Variants in LARP1 observed in about 807,000 individuals in gnomAD.
The protein encoded by LARP1 is la-related protein 1.
A neutral mutation model predicts 122.7 loss-of-function variants in LARP1; 36 were observed. The ratio of observed to expected loss-of-function variants is 0.29; its 90% CI spans 0.22 to 0.39. The LOEUF is 0.39. LARP1 is among the 10% of genes least tolerant of loss of function. The pLI is 1.00. For missense variants in LARP1, 1,040 were observed against 1,403.6 expected (o/e 0.74, Z 4.14); for synonymous variants, 539 against 528.7 (o/e 1.02, Z -0.27).
intron 1 of LARP1, among the ~76,000 whole-genome samples, chr5:154,691,118 C>T (rs1754179085): frequency 6.6e-6 from 1 of 151,900 alleles, no homozygotes; most frequent in African/African-American, 2.4e-5. Flanking sequence ...AAAAATTAGC[C>T]GGGCGTGGTG....
intron 1 of LARP1, among the ~76,000 whole-genome samples, chr5:154,774,333 A>C (rs975550605): frequency 2.0e-5 from 3 of 151,994 alleles, no homozygotes; most frequent in Non-Finnish European, 2.9e-5. Flanking sequence ...GCTTGTTTGC[A>C]CTGCAGGGAG....
intron 1 of LARP1, among the ~76,000 whole-genome samples, chr5:154,763,441 AT>A (rs1290067430): frequency 1.3e-5 from 2 of 151,384 alleles, no homozygotes; most frequent in African/African-American, 4.9e-5. Context: ...TGTCCTTCTA[AT>A]TGCTCAGACT....
exon 1 of LARP1, chr5:154,712,850 C>T: frequency 7.4e-7 from 1 of 1,346,130 alleles, no homozygotes; most frequent in Non-Finnish European, 1.1e-6. Context: ...CGGGCCAGAG[C>T]CAGGAGGCAG....
rs533425442 is a variant in LARP1 at position 154,816,727 on chromosome 5, C to T, written c.*2631C>T. 6 of 152,630 alleles carry T rather than the reference C, an allele frequency of 3.9e-5. No homozygotes were observed. In the South Asian group the frequency reaches 1.2e-3, roughly 32 times the overall value. The allele number at this position is 152,630 out of a possible 1,614,324, so 9.5% of individuals were successfully genotyped here. On this transcript the variant is annotated 3_prime_UTR_variant, in exon 19 of 19. Transcript: ENST00000518297. ...ACCATCGTCCCATGGGGATCCAAGA[C>T]CTGAGATAAAGCAACAGCCTGCCCA...
chr5:154,779,510 T>TC (rs1400696747), intron 1 of LARP1, among the ~76,000 whole-genome samples: 1 of 150,010 alleles, frequency 6.7e-6, no homozygotes, highest in East Asian at 1.9e-4. Context: ...TCTCTCTTTT[T>TC]TTTTTTTTTT....
At chr5:154,808,631 G>C in intron 16 of LARP1, 28 bp downstream of exon 16, 1 of 1,603,186 alleles carries the variant, frequency 6.2e-7, no homozygotes, top group African/African-American at 1.3e-5. Flanking sequence ...GGGGACTTTG[G>C]CTGGTGCTTA....
chr5:154,789,526 C>G (rs2113762807), intron 1 of LARP1, among the ~76,000 whole-genome samples: 1 of 152,252 alleles, frequency 6.6e-6, no homozygotes, highest in Non-Finnish European at 1.5e-5. Flanking sequence ...TGGCCACAAA[C>G]AAAGTTTTCA....
chr5:154,752,932 CA>C (rs928745576), upstream of LARP1, among the ~76,000 whole-genome samples: 45 of 143,476 alleles, frequency 3.1e-4, no homozygotes, highest in African/African-American at 3.3e-4. Flanking sequence ...GAGTAAGAGT[CA>C]AAAAAAAAAA....
At chr5:154,796,590 C>CT (rs1215939545) in intron 8 of LARP1, among the ~76,000 whole-genome samples, 1 of 152,046 alleles carries the variant, frequency 6.6e-6, no homozygotes, top group African/African-American at 2.4e-5. Context: ...GTCAAGAATA[C>CT]TTTATCATAA....
Position 154,790,703 on chromosome 5 carries a change from G to A in LARP1, c.557G>A (p.Ser186Asn). ...ACACCTGGAGAGATAGCCCACAAGA[G>A]TGTTCAGGTGAGTCTGTGTGGAAGA... ...WPTPGEIAHKSVQPQSHKPQP... is the reference protein window; with the variant it reads ...WPTPGEIAHKNVQPQSHKPQP... The change falls in exon 3 of 19, where the codon AGT becomes AAT. Residue 186 changes from serine (S) to asparagine (N), a missense_variant. This residue lies in a region of LARP1 where 257 missense variants were observed against 273.3 expected (regional missense o/e 0.94). Coordinates refer to ENST00000518297, the MANE Select transcript of LARP1 (RefSeq NM_033551.3). 1 of 1,614,176 alleles carries A rather than the reference G, an allele frequency of 6.2e-7. No homozygotes were observed. The highest frequency in any genetic ancestry group is 8.5e-7 in the Non-Finnish European group (1 of 1,179,996).
chr5:154,730,076 A>T (rs1253678804), intron 1 of LARP1, among the ~76,000 whole-genome samples: 2 of 152,248 alleles, frequency 1.3e-5, no homozygotes, highest in Non-Finnish European at 2.9e-5. Flanking sequence ...ATTTTGGGGT[A>T]GTTTGCTTAC....
chr5:154,702,329 G>T (rs1754756143), intron 1 of LARP1, among the ~76,000 whole-genome samples: 1 of 152,110 alleles, frequency 6.6e-6, no homozygotes, highest in Non-Finnish European at 1.5e-5. Context: ...GCCAAGGTGG[G>T]CGAATCACCT....
chr5:154,756,259 C>A, intron 1 of LARP1, 66 bp downstream of exon 1: 1 of 1,108,868 alleles, frequency 9.0e-7, no homozygotes, highest in Non-Finnish European at 1.1e-6. Context: ...GTCCCCTCCC[C>A]CAGCACCTCC....
At chr5:154,811,450 T>A in intron 17 of LARP1, 63 bp from the exon 18 acceptor site, 2 of 1,612,200 alleles carry the variant, frequency 1.2e-6, no homozygotes, top group Non-Finnish European at 1.7e-6. Context: ...ACACAACACC[T>A]CCCTCTCTCC....
intron 1 of LARP1, among the ~76,000 whole-genome samples, chr5:154,719,004 C>A (rs1256690370): frequency 6.6e-6 from 1 of 152,200 alleles, no homozygotes; most frequent in Non-Finnish European, 1.5e-5. Flanking sequence ...CTCTCTTGAC[C>A]TTGAAGCCAT....
chr5:154,698,708 G>A (rs1754585574), intron 1 of LARP1, among the ~76,000 whole-genome samples: 1 of 152,098 alleles, frequency 6.6e-6, no homozygotes, highest in Non-Finnish European at 1.5e-5. Flanking sequence ...TATATTGTGT[G>A]TGATTATATC....
chr5:154,788,145 C>T (rs1156569171), intron 1 of LARP1, among the ~76,000 whole-genome samples: 1 of 152,098 alleles, frequency 6.6e-6, no homozygotes, highest in Non-Finnish European at 1.5e-5. Flanking sequence ...TGAACCTGGT[C>T]CTGGTTTGAC....
chr5:154,685,862 G>A (rs754194106), intron 1 of LARP1: 21 of 509,946 alleles, frequency 4.1e-5, no homozygotes, highest in Middle Eastern at 3.2e-4. Context: ...GCCAGGCTTT[G>A]TGCAGCATGT....
At chr5:154,789,002 A>G (rs1160296422) in intron 1 of LARP1, among the ~76,000 whole-genome samples, 1 of 151,878 alleles carries the variant, frequency 6.6e-6, no homozygotes, top group Non-Finnish European at 1.5e-5. Flanking sequence ...ACTTGAGGTC[A>G]GGCATTTGAC....
Sources: gnomAD v4.1 joint callset for allele counts (sites outside exome capture counted in the v4.1 genomes callset) on GRCh38, gnomAD v4.1.1 for gene constraint, gnomAD v4.1.1 regional missense constraint, MANE v1.5 for transcripts, NCBI Gene and HGNC (gene_info 2026-07-23, HGNC 2026-07-21) for gene names.